Variants in ZBTB20 observed in about 807,000 individuals in gnomAD.
ZBTB20 encodes the protein zinc finger and BTB domain containing 20.
Under a neutral mutation model 56.9 loss-of-function variants are expected in ZBTB20, and 9 were observed. That is an observed-to-expected ratio of 0.16 (90% confidence interval 0.10 to 0.28). The LOEUF is 0.28. Ranked by LOEUF, ZBTB20 falls within the 10% of genes least tolerant of loss-of-function variation. ZBTB20 has a pLI of 1.00. For missense variants in ZBTB20, 655 were observed against 1,003.0 expected, an observed-to-expected ratio of 0.65 and a Z score of 4.69; for synonymous variants, 417 against 420.7, an observed-to-expected ratio of 0.99 and a Z score of 0.11.
intron 7 of ZBTB20, among the ~76,000 whole-genome samples, chr3:114,440,728 C>A (rs1005041986): frequency 2.6e-5 from 4 of 152,154 alleles, no homozygotes; most frequent in African/African-American, 9.7e-5. Context: ...GTCTTGGACC[C>A]TTCTCTCGCA....
intron 2 of ZBTB20, among the ~76,000 whole-genome samples, chr3:115,064,907 CA>C (rs2082152163): frequency 2.6e-5 from 4 of 152,124 alleles, no homozygotes; most frequent in Middle Eastern, 6.8e-3. Context: ...TGAAATTTTC[CA>C]ATTATGCATC....
At chr3:114,582,471 G>A (rs759759320) in intron 6 of ZBTB20, among the ~76,000 whole-genome samples, 3 of 150,796 alleles carry the variant, frequency 2.0e-5, no homozygotes, top group Non-Finnish European at 2.9e-5. Flanking sequence ...TACAACCTCC[G>A]CCTCCTGGGT....
chr3:114,603,221 AT>A (rs2056892472), intron 6 of ZBTB20, among the ~76,000 whole-genome samples: 2 of 151,986 alleles, frequency 1.3e-5, no homozygotes. Context: ...GGTTGTTCTT[AT>A]TTTTAAAATC....
chr3:114,346,266 A>G (rs1021365391), intron 11 of ZBTB20, among the ~76,000 whole-genome samples: 1 of 152,236 alleles, frequency 6.6e-6, no homozygotes, highest in African/African-American at 2.4e-5. Context: ...TATTATTCAG[A>G]GACAGGAAAT....
intron 1 of ZBTB20, among the ~76,000 whole-genome samples, chr3:115,084,509 G>T (rs974903593): frequency 3.3e-5 from 5 of 151,496 alleles, no homozygotes; most frequent in Non-Finnish European, 7.4e-5. Context: ...CCAAATGAAG[G>T]TCAATCTGTT....
chr3:114,479,822 T>G (rs892670343), intron 7 of ZBTB20, among the ~76,000 whole-genome samples: 1 of 152,174 alleles, frequency 6.6e-6, no homozygotes, highest in African/African-American at 2.4e-5. Flanking sequence ...GAAAACAAAG[T>G]CCAGGACACC....
chr3:114,342,763 T>A (rs1432941974), intron 11 of ZBTB20, among the ~76,000 whole-genome samples: 1 of 152,200 alleles, frequency 6.6e-6, no homozygotes, highest in African/African-American at 2.4e-5. Context: ...GCATGGCATA[T>A]GGAAGTCAAT....
chr3:114,632,695 T>C (rs984935073), intron 6 of ZBTB20, among the ~76,000 whole-genome samples: 1 of 152,218 alleles, frequency 6.6e-6, no homozygotes, highest in African/African-American at 2.4e-5. Context: ...ATAATATTAA[T>C]GCAGAATGTA....
chr3:114,885,260 T>C (rs1404809989), intron 4 of ZBTB20, among the ~76,000 whole-genome samples: 6 of 152,194 alleles, frequency 3.9e-5, no homozygotes, highest in Non-Finnish European at 7.3e-5. Context: ...GTGTAACCTG[T>C]AATGATTTAG....
At chr3:115,146,545 GAAGGA>G (rs776460772) in intron 1 of ZBTB20, among the ~76,000 whole-genome samples, 11 of 152,128 alleles carry the variant, frequency 7.2e-5, no homozygotes, top group Non-Finnish European at 8.8e-5. Context: ...AGAAGAGAAA[GAAGGA>G]AAGGTGTGTC....
intron 5 of ZBTB20, among the ~76,000 whole-genome samples, chr3:114,797,980 A>G (rs563220855): frequency 1.3e-5 from 2 of 151,976 alleles, no homozygotes; most frequent in African/African-American, 2.4e-5. Context: ...ACAGAATCCA[A>G]TGAAAGCAAT....
intron 2 of ZBTB20, among the ~76,000 whole-genome samples, chr3:115,063,373 C>A (rs1445513781): frequency 6.6e-6 from 1 of 152,102 alleles, no homozygotes; most frequent in South Asian, 2.1e-4. Flanking sequence ...TTGATGAATG[C>A]CTTTGTCCTG....
At chr3:114,929,438 T>C (rs984622738) in intron 3 of ZBTB20, among the ~76,000 whole-genome samples, 5 of 152,228 alleles carry the variant, frequency 3.3e-5, no homozygotes, top group Non-Finnish European at 7.3e-5. Context: ...TATTCTGCTG[T>C]GGGAAGAAGG....
intron 1 of ZBTB20, among the ~76,000 whole-genome samples, chr3:115,092,413 C>T (rs1357662710): frequency 6.6e-6 from 1 of 152,102 alleles, no homozygotes; most frequent in East Asian, 1.9e-4. Flanking sequence ...ACTAACACCA[C>T]AGTTGTAATA....
chr3:114,990,170 T>A (rs1468606392), intron 2 of ZBTB20, among the ~76,000 whole-genome samples: 1 of 152,208 alleles, frequency 6.6e-6, no homozygotes, highest in African/African-American at 2.4e-5. Context: ...AGGGCATCCC[T>A]GTCTTGTGCC....
chr3:114,875,591 G>A (rs559225632), intron 4 of ZBTB20, among the ~76,000 whole-genome samples: 96 of 152,150 alleles, frequency 6.3e-4, no homozygotes, highest in African/African-American at 2.0e-3. Context: ...TATATGATGC[G>A]TATAGAAGCA....
intron 6 of ZBTB20, among the ~76,000 whole-genome samples, chr3:114,661,779 G>C (rs1031157142): frequency 6.6e-6 from 1 of 152,082 alleles, no homozygotes; most frequent in African/African-American, 2.4e-5. Flanking sequence ...CTTTGGGAAA[G>C]GAAAGAGCAA....
chr3:114,906,830 T>A (rs538332297), intron 3 of ZBTB20, among the ~76,000 whole-genome samples: 1 of 151,704 alleles, frequency 6.6e-6, no homozygotes, highest in African/African-American at 2.4e-5. Flanking sequence ...TTAGGGTTAA[T>A]ACATAAAAAA....
At chr3:115,114,105 T>C (rs1325501414) in intron 1 of ZBTB20, among the ~76,000 whole-genome samples, 1 of 152,244 alleles carries the variant, frequency 6.6e-6, no homozygotes, top group Non-Finnish European at 1.5e-5. Context: ...TTTGGGGCTC[T>C]GTTTATCAAC....
Sources: gnomAD v4.1 joint callset for allele counts (sites outside exome capture counted in the v4.1 genomes callset) on GRCh38, gnomAD v4.1.1 for gene constraint, MANE v1.5 for transcripts, NCBI Gene and HGNC (gene_info 2026-07-23, HGNC 2026-07-21) for gene names.